The following TTC17 variants were observed in gnomAD, a reference collection of about 807,000 sequenced individuals.
TTC17 encodes the protein tetratricopeptide repeat protein 17.
TTC17 carries 58 observed loss-of-function variants against 143.8 expected under a neutral mutation model. The observed-to-expected ratio is 0.40, with a 90% CI of 0.33 to 0.50. The LOEUF is 0.50. Ranked by LOEUF, TTC17 falls within the 20% of genes least tolerant of loss-of-function variation. The pLI, the probability that TTC17 is intolerant of heterozygous loss-of-function variation, is 0.49. For synonymous variants in TTC17, 501 were observed against 497.8 expected (o/e 1.01, Z -0.09); for missense variants, 1,273 against 1,392.5 (o/e 0.91, Z 1.37).
intron 16 of TTC17, among the ~76,000 whole-genome samples, chr11:43,442,325 G>C (rs1275310365): frequency 6.6e-6 from 1 of 152,150 alleles, no homozygotes; most frequent in Non-Finnish European, 1.5e-5. Flanking sequence ...ACCAACTGAA[G>C]ATTATTGCAC....
intron 18 of TTC17, among the ~76,000 whole-genome samples, chr11:43,444,722 TACACACACAC>T (rs10638143): frequency 9.1e-5 from 13 of 143,632 alleles, no homozygotes; most frequent in East Asian, 8.4e-4. Flanking sequence ...ACCAAATACA[TACACACACAC>T]ACACACACAC....
intron 16 of TTC17, among the ~76,000 whole-genome samples, chr11:43,416,572 G>T (rs1946784589): frequency 6.6e-6 from 1 of 152,114 alleles, no homozygotes; most frequent in South Asian, 2.1e-4. Flanking sequence ...ACTTGGAACA[G>T]ATCTTTCTCA....
chr11:43,389,054 C>A (rs1469227017), intron 2 of TTC17, among the ~76,000 whole-genome samples: 1 of 150,852 alleles, frequency 6.6e-6, no homozygotes, highest in Non-Finnish European at 1.5e-5. Context: ...GAGAGGATCG[C>A]TTGAGCCCAG....
intron 16 of TTC17, among the ~76,000 whole-genome samples, chr11:43,419,709 C>G (rs909983441): frequency 2.6e-5 from 4 of 152,078 alleles, no homozygotes; most frequent in Non-Finnish European, 5.9e-5. Context: ...GAGGCAGGGT[C>G]TCACTGTGTT....
intron 18 of TTC17, 53 bp from the exon 19 acceptor site, chr11:43,447,949 T>C: frequency 6.3e-6 from 10 of 1,599,182 alleles, no homozygotes; most frequent in Non-Finnish European, 8.5e-6. Flanking sequence ...ATAAGGCCCT[T>C]TGGGTTCTCT....
At chr11:43,424,023 GTTAC>G (rs1383420780) in intron 16 of TTC17, among the ~76,000 whole-genome samples, 2 of 151,296 alleles carry the variant, frequency 1.3e-5, no homozygotes, top group Non-Finnish European at 2.9e-5. Flanking sequence ...ATTTTATCCT[GTTAC>G]TTAGTGACTA....
intron 16 of TTC17, among the ~76,000 whole-genome samples, chr11:43,432,676 C>G (rs1022638439): frequency 1.3e-5 from 2 of 152,104 alleles, no homozygotes; most frequent in Non-Finnish European, 2.9e-5. Context: ...TGCTACTTTC[C>G]AGGTATCTTT....
chr11:43,405,639 G>C lies in TTC17; in HGVS notation c.1595+10G>C, dbSNP rs760271563. On this transcript the variant is annotated intron_variant, in intron 12 of 23. Coordinates refer to ENST00000039989, the MANE Select transcript of TTC17 (RefSeq NM_018259.6). The stretch of plus-strand genomic sequence containing the variant: ...AAAACAAAGGACTCAGGCAAGTGGT[G>C]ATGGATTTGGCAAAGCACCTGATTC... 6.2e-7 allele frequency: 1 copy of C among 1,613,536 alleles called. No homozygotes were observed. Among genetic ancestry groups the C allele is most frequent in the Non-Finnish European group, 8.5e-7 (1 of 1,179,624 alleles).
At chr11:43,412,927 G>A (rs1400522170) in intron 15 of TTC17, among the ~76,000 whole-genome samples, 2 of 151,440 alleles carry the variant, frequency 1.3e-5, no homozygotes, top group African/African-American at 4.9e-5. Flanking sequence ...GCATATATGT[G>A]TTTGTGTATT....
In TTC17 at chr11:43,438,761, C is replaced by T. The variant is rs143619819; in HGVS notation, c.2252-4564C>T. On this transcript the variant is annotated intron_variant, in intron 16 of 23. Transcript: ENST00000039989. ...AGCACTCATCTTTCCATCCTCTGCT[C>T]CCTAAACTCCTTGAAACTTCTCTTC... Among the ~76,000 whole-genome samples, 130 of 152,298 alleles carry T rather than the reference C, an allele frequency of 8.5e-4. 1 individual carries two copies. In the East Asian group the frequency reaches 0.021, roughly 24 times the overall value.
rs11037438 is a variant in TTC17, at chr11:43,444,345, A to G, written c.2665+136A>G. On this transcript the variant is annotated intron_variant, in intron 18 of 23. Transcript: ENST00000039989. ...CAAAGTGTGGTCAAGAAACCAGTCT[A>G]TCTTCTGTATCAATGAAAAAAATGT... is the stretch of plus-strand genomic sequence containing the variant. 3,499 of 758,284 alleles carry G rather than the reference A, an allele frequency of 4.6e-3. 11 individuals carry two copies. The highest frequency in any genetic ancestry group is 5.9e-3 in the Non-Finnish European group (3,052 of 519,016). The allele number at this position is 758,284 out of a possible 1,614,324, so 47.0% of individuals were successfully genotyped here.
At chr11:43,396,518 G>A (rs370332994) in intron 5 of TTC17, 191 bp from the exon 6 acceptor site, 1 of 374,144 alleles carries the variant, frequency 2.7e-6, no homozygotes, top group South Asian at 9.5e-5. Context: ...CTCAGCTGAT[G>A]ATTAGAATGC....
intron 21 of TTC17, among the ~76,000 whole-genome samples, chr11:43,473,473 A>C (rs948332543): frequency 6.6e-6 from 1 of 152,130 alleles, no homozygotes. Context: ...TCAAAACCAC[A>C]CTACATTGAG....
At chr11:43,359,206 C>T in intron 1 of TTC17, 93 bp downstream of exon 1, 1 of 1,404,884 alleles carries the variant, frequency 7.1e-7, no homozygotes, top group Non-Finnish European at 9.3e-7. Flanking sequence ...CCGCGCGGCC[C>T]CGCCCCCAGC....
intron 16 of TTC17, among the ~76,000 whole-genome samples, chr11:43,429,280 C>G (rs1232897426): frequency 6.6e-6 from 1 of 152,144 alleles, no homozygotes; most frequent in Non-Finnish European, 1.5e-5. Flanking sequence ...ATTGATTTGC[C>G]CAAGTTTGTA....
chr11:43,458,859 T>C (rs1238063294), intron 21 of TTC17, among the ~76,000 whole-genome samples: 1 of 152,208 alleles, frequency 6.6e-6, no homozygotes, highest in Non-Finnish European at 1.5e-5. Flanking sequence ...CAGTGTATTA[T>C]TTTAATTGTT....
At chr11:43,395,611 T>G (rs548928041) in intron 5 of TTC17, 104 of 152,338 alleles carry the variant, frequency 6.8e-4, no homozygotes, top group African/African-American at 2.5e-3. Flanking sequence ...GTTGATCTGC[T>G]CATAGTGTTA....
rs527458825 is a variant in TTC17, at chr11:43,478,743, C to T, written c.3031-11496C>T. On this transcript the variant is annotated intron_variant, in intron 21 of 23. Transcript: ENST00000039989. ...CTGCCTCATCCTCCCTGCCCCATCCCGCAACCCCCAAAGTAGTTAGGACGA... is the reference window on the plus strand; with the variant it reads ...CTGCCTCATCCTCCCTGCCCCATCCTGCAACCCCCAAAGTAGTTAGGACGA... Among the ~76,000 whole-genome samples the T allele has an allele frequency of 2.5e-3, 378 of 152,208 alleles. 4 individuals carry two copies. Among genetic ancestry groups the T allele is most frequent in the African/African-American group, 8.7e-3 (362 of 41,522 alleles).
intron 10 of TTC17, among the ~76,000 whole-genome samples, chr11:43,402,321 A>G (rs1022434440): frequency 6.6e-6 from 1 of 152,186 alleles, no homozygotes; most frequent in Non-Finnish European, 1.5e-5. Context: ...CAGTCCAATT[A>G]TATTGCCTCA....
Sources: allele counts gnomAD v4.1 joint callset (sites outside exome capture counted in the v4.1 genomes callset), GRCh38; gene constraint gnomAD v4.1.1; transcripts MANE v1.5; gene names NCBI Gene and HGNC (gene_info 2026-07-23, HGNC 2026-07-21).